DMD: variants seen among roughly 807,000 people sequenced by gnomAD.
The protein encoded by DMD is mutant dystrophin.
A neutral mutation model predicts 330.1 loss-of-function variants in DMD; 63 were observed. The observed-to-expected ratio is 0.19, with a 90% CI of 0.16 to 0.24. DMD has a LOEUF of 0.24. DMD is among the 10% of genes least tolerant of loss of function. The pLI, the probability that DMD is intolerant of heterozygous loss-of-function variation, is 1.00. For synonymous variants in DMD, 1,223 were observed against 959.8 expected, an observed-to-expected ratio of 1.27 and a Z score of -5.07; for missense variants, 3,344 against 2,684.1, an observed-to-expected ratio of 1.25 and a Z score of -5.43.
intron 55 of DMD, among the ~76,000 whole-genome samples, chrX:31,548,932 T>C (rs1474147962): frequency 3.6e-5 from 4 of 110,330 alleles, no homozygotes; most frequent in Non-Finnish European, 3.8e-5. Flanking sequence ...CAAACATAAC[T>C]GATTTTTTTT....
At chrX:32,783,224 G>A (rs1408300009) in intron 7 of DMD, among the ~76,000 whole-genome samples, 3 of 94,047 alleles carry the variant, frequency 3.2e-5, no homozygotes, top group African/African-American at 7.7e-5. Context: ...GTATATACGT[G>A]TATACGTATA....
At chrX:33,014,009 C>T (rs777414843) in intron 2 of DMD, among the ~76,000 whole-genome samples, 2 of 111,928 alleles carry the variant, frequency 1.8e-5, no homozygotes, top group African/African-American at 6.5e-5. Flanking sequence ...GGAAAATCAC[C>T]CTTCAAAAAC....
At chrX:32,762,158 G>GA (rs1172743502) in intron 7 of DMD, among the ~76,000 whole-genome samples, 11 of 88,370 alleles carry the variant, frequency 1.2e-4, no homozygotes, top group East Asian at 6.9e-4. Context: ...CTCAAAAAAA[G>GA]AAAAAAAAAG....
intron 22 of DMD, among the ~76,000 whole-genome samples, chrX:32,469,901 A>G (rs1452276090): frequency 9.0e-6 from 1 of 110,903 alleles, no homozygotes; most frequent in Non-Finnish European, 1.9e-5. Flanking sequence ...TTCCATTTAC[A>G]TCTTTGAGTG....
At chrX:32,340,507 T>G (rs2097736217) in intron 41 of DMD, among the ~76,000 whole-genome samples, 1 of 111,455 alleles carries the variant, frequency 9.0e-6, no homozygotes, top group Admixed American at 9.6e-5. Flanking sequence ...AAGTGGTTTA[T>G]GGAGATTTTT....
At chrX:32,572,068 A>G (rs1337267147) in intron 15 of DMD, among the ~76,000 whole-genome samples, 1 of 112,096 alleles carries the variant, frequency 8.9e-6, no homozygotes, top group Non-Finnish European at 1.9e-5. Flanking sequence ...TCAAACATAT[A>G]CAGGTTACTT....
At chrX:31,255,768 ACTTT>A (rs1402639941) in intron 63 of DMD, among the ~76,000 whole-genome samples, 1 of 72,042 alleles carries the variant, frequency 1.4e-5, no homozygotes, top group Non-Finnish European at 2.6e-5. Context: ...CAATATCGTT[ACTTT>A]TTTTTTTTTT....
chrX:31,685,587 T>C (rs6631366), intron 52 of DMD, among the ~76,000 whole-genome samples: 14,712 of 111,853 alleles, frequency 0.13, 785 homozygotes, highest in South Asian at 0.33. Context: ...GACAGTGTCC[T>C]TGCCTCAAAG....
At chrX:31,849,112 CCTA>C (rs1377572094) in intron 48 of DMD, among the ~76,000 whole-genome samples, 1 of 109,796 alleles carries the variant, frequency 9.1e-6, no homozygotes, top group Non-Finnish European at 1.9e-5. Context: ...TTTCATTTTA[CCTA>C]CTAATAACCT....
At chrX:32,240,585 G>A (rs993978577) in intron 43 of DMD, among the ~76,000 whole-genome samples, 3 of 111,822 alleles carry the variant, frequency 2.7e-5, no homozygotes, top group African/African-American at 9.8e-5. Flanking sequence ...AATAGTTTTC[G>A]TATTGCAGGT....
intron 76 of DMD, among the ~76,000 whole-genome samples, chrX:31,139,101 G>A (rs193119739): frequency 9.0e-6 from 1 of 111,682 alleles, no homozygotes; most frequent in Non-Finnish European, 1.9e-5. Context: ...CTTAGTTGAT[G>A]GCAATGCTTT....
chrX:32,923,799 G>A (rs1487417246), intron 2 of DMD, among the ~76,000 whole-genome samples: 1 of 111,324 alleles, frequency 9.0e-6, no homozygotes, highest in African/African-American at 3.3e-5. Context: ...TTTGTTTAAT[G>A]AAAAATAAAT....
At chrX:32,339,267 C>T (rs2097729904) in intron 41 of DMD, among the ~76,000 whole-genome samples, 1 of 111,931 alleles carries the variant, frequency 8.9e-6, no homozygotes, top group Admixed American at 9.5e-5. Flanking sequence ...CTAGACCACA[C>T]TGCTGTGATA....
At chrX:32,491,780 AATATT>A (rs1489093887) in intron 19 of DMD, among the ~76,000 whole-genome samples, 1 of 111,894 alleles carries the variant, frequency 8.9e-6, no homozygotes, top group Non-Finnish European at 1.9e-5. Context: ...ATGTAAATAA[AATATT>A]AAATAAAAAC....
chrX:32,903,144 C>CA (rs34973696), intron 2 of DMD, among the ~76,000 whole-genome samples: 367 of 32,781 alleles, frequency 0.011, 24 homozygotes, highest in Middle Eastern at 0.045. Flanking sequence ...GACTCAGTCT[C>CA]AAAAAAAAAA....
At chrX:32,541,618 A>G (rs888629248) in intron 17 of DMD, among the ~76,000 whole-genome samples, 1 of 111,516 alleles carries the variant, frequency 9.0e-6, no homozygotes, top group African/African-American at 3.3e-5. Context: ...ATGGACACAA[A>G]GAAGGGAATA....
chrX:32,238,930 T>C (rs1426701258), intron 43 of DMD, among the ~76,000 whole-genome samples: 1 of 111,998 alleles, frequency 8.9e-6, no homozygotes, highest in Non-Finnish European at 1.9e-5. Context: ...AAACTGATGT[T>C]GTCACTTCTT....
Position 32,419,150 on chromosome X carries a change from C to T in DMD, c.4072-7237G>A, listed in dbSNP as rs759842228. 2.9e-3 allele frequency among the ~76,000 whole-genome samples: 314 copies of T among 110,018 alleles called. 2 individuals carry two copies. Among genetic ancestry groups the T allele is most frequent in the African/African-American group, 9.9e-3 (299 of 30,232 alleles). ...AAAAATTTCCAGATGTCTAGATATG[C>T]TTATACCAGCTTAATGAAATGTTTT... On this transcript the variant is annotated intron_variant, in intron 29 of 78. Transcript: ENST00000357033.
intron 50 of DMD, among the ~76,000 whole-genome samples, chrX:31,778,565 A>ATTTTTTTTTTT (rs36164865): frequency 4.8e-5 from 3 of 63,044 alleles, no homozygotes; most frequent in East Asian, 1.2e-3. Context: ...AAGTCCTGAA[A>ATTTTTTTTTTT]TTTTTTTTTT....
Sources: allele counts gnomAD v4.1 joint callset (sites outside exome capture counted in the v4.1 genomes callset), GRCh38; gene constraint gnomAD v4.1.1; transcripts MANE v1.5; gene names NCBI Gene and HGNC (gene_info 2026-07-23, HGNC 2026-07-21).